Variants in RDH13 observed in about 807,000 individuals in gnomAD.
The protein encoded by RDH13 is retinol dehydrogenase 13 (all-trans and 9-cis).
A neutral mutation model predicts 28.3 loss-of-function variants in RDH13; 35 were observed. The observed-to-expected ratio is 1.24, with a 90% CI of 0.95 to 1.64. The LOEUF (loss-of-function observed/expected upper bound fraction) is 1.64. Ranked by LOEUF, RDH13 falls within the 40% of genes most tolerant of loss-of-function variation. RDH13 has a pLI of 0.00. For synonymous variants in RDH13, 229 were observed against 198.5 expected, an observed-to-expected ratio of 1.15 and a Z score of -1.29; for missense variants, 514 against 446.3, an observed-to-expected ratio of 1.15 and a Z score of -1.37.
intron 1 of RDH13, 64 bp downstream of exon 1, chr19:55,062,904 G>T: frequency 1.5e-6 from 2 of 1,316,212 alleles, no homozygotes; most frequent in Non-Finnish European, 9.9e-7. Context: ...GGTCTCCGCC[G>T]CCTTCCCGGC....
At chr19:55,058,137 C>T (rs1247669037) in intron 2 of RDH13, among the ~76,000 whole-genome samples, 4 of 152,018 alleles carry the variant, frequency 2.6e-5, no homozygotes. Flanking sequence ...CTGGGCCGGG[C>T]ATGGTGGCTC....
At chr19:55,064,828 G>A (rs2075925803), upstream of RDH13, among the ~76,000 whole-genome samples, 1 of 149,988 alleles carries the variant, frequency 6.7e-6, no homozygotes, top group Non-Finnish European at 1.5e-5. Flanking sequence ...GGCCAGGTTG[G>A]TCTCAAACTC....
chr19:55,062,278 T>C (rs572500892), intron 1 of RDH13, among the ~76,000 whole-genome samples: 2 of 152,030 alleles, frequency 1.3e-5, no homozygotes, highest in East Asian at 1.9e-4. Context: ...GGCAACAAGA[T>C]AGTGTCCAGC....
At position 55,048,517 on chromosome 19, in the gene RDH13, A is replaced by C; in HGVS notation, c.470T>G (p.Leu157Arg). 1 of 1,614,206 alleles carries C rather than the reference A, an allele frequency of 6.2e-7. No individual in the cohort carries two copies. Among genetic ancestry groups the C allele is most frequent in the Non-Finnish European group, 8.5e-7 (1 of 1,180,026 alleles). ...HLGHFLLTNL[L>R]LDKLKASAPS... ...GGCTGAGGCTTTCAGCTTGTCCAGCAGCAAGTTTGTCAAGAGAAAGTGACC... is the reference window on the plus strand; with the variant it reads ...GGCTGAGGCTTTCAGCTTGTCCAGCCGCAAGTTTGTCAAGAGAAAGTGACC... The change falls in exon 5 of 7, where the codon CTG (leucine) becomes CGG (arginine). Residue 157 changes from leucine to arginine, a missense_variant. Transcript: ENST00000415061.
chr19:55,048,415 G>C lies in RDH13; in HGVS notation c.572C>G (p.Thr191Arg). ...GGCGGCTTTGGTGTTATACTTCCTC[G>C]TCTGCCAGTTCAAGTCGTCAAAGTC... ...HIDFDDLNWQ[T>R]RKYNTKAAYC... The change falls in exon 5 of 7, where the codon ACG becomes AGG. Residue 191 changes from threonine to arginine, a missense_variant. Transcript: ENST00000415061. 1 of 1,614,156 alleles carries C rather than the reference G, an allele frequency of 6.2e-7. No individual in the cohort carries two copies. The highest frequency in any genetic ancestry group is 8.5e-7 in the Non-Finnish European group (1 of 1,180,026).
downstream of RDH13, chr19:55,042,194 T>C (rs1161986748): frequency 2.0e-5 from 3 of 151,390 alleles, no homozygotes; most frequent in African/African-American, 7.3e-5. Flanking sequence ...ACCACTTCCT[T>C]TGCTCATTTA....
chr19:55,064,704 CTA>C (rs1377876096), upstream of RDH13, among the ~76,000 whole-genome samples: 15 of 150,798 alleles, frequency 9.9e-5, no homozygotes, highest in South Asian at 6.3e-4. Context: ...CCTCTGCCTC[CTA>C]GGTTCAAGCG....
chr19:55,068,970 A>C, intron 1 of RDH13: 1 of 73,584 alleles, frequency 1.4e-5, no homozygotes, highest in East Asian at 4.3e-4. Context: ...AGGGGAAGGG[A>C]GGGAAGAAAG....
intron 3 of RDH13, chr19:55,053,998 C>G (rs550116782): frequency 2.6e-5 from 4 of 152,200 alleles, no homozygotes; most frequent in Non-Finnish European, 5.9e-5. Flanking sequence ...TGCCTCTCAC[C>G]TACCCGACAA....
chr19:55,067,732 G>A (rs996131326), upstream of RDH13: 2 of 152,270 alleles, frequency 1.3e-5, no homozygotes, highest in Non-Finnish European at 2.9e-5. Flanking sequence ...AGAAGCACAG[G>A]GGACATAGGA....
intron 1 of RDH13, among the ~76,000 whole-genome samples, chr19:55,060,991 A>T (rs2075792252): frequency 6.6e-6 from 1 of 152,170 alleles, no homozygotes; most frequent in Non-Finnish European, 1.5e-5. Flanking sequence ...AGGTATTGGT[A>T]GAGTCAGGTT....
intron 1 of RDH13, among the ~76,000 whole-genome samples, chr19:55,060,109 G>T (rs1417583460): frequency 6.6e-6 from 1 of 151,072 alleles, no homozygotes; most frequent in Non-Finnish European, 1.5e-5. Flanking sequence ...CCGTCCCCCA[G>T]CCCAACACCC....
At chr19:55,064,561 G>C (rs909369759), upstream of RDH13, 2 of 152,198 alleles carry the variant, frequency 1.3e-5, no homozygotes, top group Non-Finnish European at 2.9e-5. Flanking sequence ...GGTGGCTGCA[G>C]GGGGCTGGAG....
rs1416459427 is a variant in RDH13 at position 55,045,038 on chromosome 19, G to C, written c.*36C>G. 4 of 1,472,988 alleles carry C rather than the reference G, an allele frequency of 2.7e-6. No homozygotes were observed. Among genetic ancestry groups the C allele is most frequent in the Non-Finnish European group, 3.7e-6 (4 of 1,079,158 alleles). The allele number at this position is 1,472,988 out of a possible 1,614,324, so 91.2% of individuals were successfully genotyped here. A position where few individuals can be genotyped will look rare whatever the true frequency, so the allele number is the denominator to read the frequency against. The stretch of plus-strand genomic sequence containing the variant: ...ATGGCGGACAGCTGTCCTCGGTCTG[G>C]AGGCGCCATCCTGGCTTTCAAATCT... On this transcript the variant is annotated 3_prime_UTR_variant, in exon 7 of 7. Coordinates refer to ENST00000415061, the MANE Select transcript of RDH13 (RefSeq NM_001145971.2).
At chr19:55,042,211 TCAAACG>T (rs1465772040), downstream of RDH13, 18 of 150,014 alleles carry the variant, frequency 1.2e-4, no homozygotes, top group African/African-American at 4.4e-4. Flanking sequence ...TTTATCAAAC[TCAAACG>T]CTAGGAGGGC....
rs1213474463 is a variant in RDH13 at position 55,059,238 on chromosome 19, T to C, written c.103A>G (p.Thr35Ala). The C allele has an allele frequency of 6.2e-7, 1 of 1,604,354 alleles. No individual in the cohort carries two copies. Among genetic ancestry groups the C allele is most frequent in the South Asian group, 1.1e-5 (1 of 88,998 alleles). Residue 35 changes from threonine (T) to alanine (A), a missense_variant, in exon 2 of 7, where the codon ACC becomes GCC. Transcript: ENST00000415061. ...VTGGACPSKA[T>A]IPGKTVIVTG... ...ACGATGACCGTCTTCCCAGGGATGG[T>C]GGCCTTGCTGGGGCAAGCCCCACCG...
intron 5 of RDH13, among the ~76,000 whole-genome samples, chr19:55,047,777 ACT>A (rs1052653293): frequency 1.3e-5 from 2 of 151,956 alleles, no homozygotes; most frequent in African/African-American, 4.8e-5. Flanking sequence ...AGATACTGTA[ACT>A]CTGACCAGCT....
downstream of RDH13, chr19:55,039,460 A>C (rs1348999824): frequency 2.0e-5 from 3 of 152,186 alleles, no homozygotes; most frequent in African/African-American, 7.2e-5. Flanking sequence ...AGGCATGAGA[A>C]TCGCTTGAAC....
intron 3 of RDH13, among the ~76,000 whole-genome samples, chr19:55,054,665 C>T (rs1450985247): frequency 6.6e-6 from 1 of 152,086 alleles, no homozygotes; most frequent in African/African-American, 2.4e-5. Flanking sequence ...AACTCTCGGG[C>T]TCAAGTGATC....
Sources: gnomAD v4.1 joint callset for allele counts (sites outside exome capture counted in the v4.1 genomes callset) on GRCh38, gnomAD v4.1.1 for gene constraint, MANE v1.5 for transcripts, NCBI Gene and HGNC (gene_info 2026-07-23, HGNC 2026-07-21) for gene names.